The following PTPRG variants were observed in gnomAD, a reference collection of about 807,000 sequenced individuals.
PTPRG encodes the protein receptor-type tyrosine-protein phosphatase gamma.
In PTPRG, 102 loss-of-function variants were observed where a neutral mutation model predicts 165.3. The ratio of observed to expected loss-of-function variants is 0.62; its 90% CI spans 0.53 to 0.73. The LOEUF (loss-of-function observed/expected upper bound fraction) is 0.73. PTPRG is among the 30% of genes least tolerant of loss of function. The pLI is 0.00. For missense variants in PTPRG, 1,866 were observed against 1,861.4 expected (o/e 1.00, Z -0.05); for synonymous variants, 675 against 669.5 (o/e 1.01, Z -0.13).
At chr3:61,976,076 G>C (rs1212368547) in intron 2 of PTPRG, among the ~76,000 whole-genome samples, 1 of 152,106 alleles carries the variant, frequency 6.6e-6, no homozygotes, top group East Asian at 1.9e-4. Context: ...CCTGCAATGT[G>C]CTGGAAAACA....
In PTPRG at chr3:61,910,338, C is replaced by T. The variant is rs77057192; in HGVS notation, c.191-79287C>T. On this transcript the variant is annotated intron_variant, in intron 2 of 29. Coordinates refer to ENST00000474889, the MANE Select transcript of PTPRG (RefSeq NM_002841.4). ...ACTTCCTAGGATGACTCTACTGTTGCTCTGCACCATCTCTGTTTGAACATC... is the reference window on the plus strand; with the variant it reads ...ACTTCCTAGGATGACTCTACTGTTGTTCTGCACCATCTCTGTTTGAACATC... Among the ~76,000 whole-genome samples, 300 of 152,312 alleles carry T rather than the reference C, an allele frequency of 2.0e-3. 1 individual carries two copies. Among genetic ancestry groups the T allele is most frequent in the East Asian group, 6.8e-3 (35 of 5,176 alleles).
chr3:61,808,091 C>G (rs2035470073), intron 2 of PTPRG, among the ~76,000 whole-genome samples: 1 of 152,162 alleles, frequency 6.6e-6, no homozygotes, highest in African/African-American at 2.4e-5. Context: ...GTTATACAAA[C>G]AAAACTCAAT....
chr3:62,009,369 C>T (rs2041366439), intron 4 of PTPRG, among the ~76,000 whole-genome samples: 1 of 152,140 alleles, frequency 6.6e-6, no homozygotes, highest in Admixed American at 6.5e-5. Context: ...GATTGTCCAG[C>T]CAGAAGTTTC....
At chr3:61,882,387 T>C (rs929351329) in intron 2 of PTPRG, among the ~76,000 whole-genome samples, 1 of 152,218 alleles carries the variant, frequency 6.6e-6, no homozygotes, top group Non-Finnish European at 1.5e-5. Flanking sequence ...TATACTGTTC[T>C]GAGATGACAC....
chr3:61,609,987 C>A (rs960359301), intron 1 of PTPRG, among the ~76,000 whole-genome samples: 1 of 150,110 alleles, frequency 6.7e-6, no homozygotes, highest in Non-Finnish European at 1.5e-5. Context: ...TGATTATATA[C>A]AAATTATTTT....
chr3:61,900,702 T>C (rs1455756787), intron 2 of PTPRG, among the ~76,000 whole-genome samples: 1 of 152,088 alleles, frequency 6.6e-6, no homozygotes, highest in Non-Finnish European at 1.5e-5. Context: ...ATGGTTGAGG[T>C]GGTAACAAAT....
chr3:62,125,431 A>G (rs1455360254), intron 5 of PTPRG, among the ~76,000 whole-genome samples: 1 of 152,180 alleles, frequency 6.6e-6, no homozygotes, highest in East Asian at 1.9e-4. Context: ...CAGGGAATGA[A>G]AAAACAAGGG....
chr3:61,625,189 TA>T (rs1701573078), intron 1 of PTPRG, among the ~76,000 whole-genome samples: 1 of 151,836 alleles, frequency 6.6e-6, no homozygotes. Context: ...CATTCGGAGA[TA>T]CTAGATGGGG....
intron 4 of PTPRG, among the ~76,000 whole-genome samples, chr3:62,042,005 T>C (rs1700144483): frequency 6.6e-6 from 1 of 152,168 alleles, no homozygotes; most frequent in South Asian, 2.1e-4. Context: ...ACACCCAGGC[T>C]TTAGTTTACC....
chr3:61,949,285 A>G (rs556473511), intron 2 of PTPRG, among the ~76,000 whole-genome samples: 3 of 152,332 alleles, frequency 2.0e-5, no homozygotes, highest in African/African-American at 7.2e-5. Context: ...AAAATAATGC[A>G]GTTTTTCTTG....
At chr3:62,007,917 G>T (rs1467001932) in intron 4 of PTPRG, among the ~76,000 whole-genome samples, 3 of 152,212 alleles carry the variant, frequency 2.0e-5, no homozygotes, top group African/African-American at 7.2e-5. Flanking sequence ...CCAAATGTCT[G>T]CTGTAAATAC....
intron 1 of PTPRG, among the ~76,000 whole-genome samples, chr3:61,736,896 G>A (rs925495101): frequency 2.6e-5 from 4 of 152,150 alleles, no homozygotes; most frequent in African/African-American, 9.7e-5. Context: ...TCTCAATAAC[G>A]CTGCTTTAAA....
intron 2 of PTPRG, among the ~76,000 whole-genome samples, chr3:61,820,210 CTG>C (rs1229668587): frequency 6.6e-6 from 1 of 152,154 alleles, no homozygotes; most frequent in Admixed American, 6.5e-5. Flanking sequence ...AGTCTGCTGT[CTG>C]TAAGCTAGAG....
intron 7 of PTPRG, among the ~76,000 whole-genome samples, chr3:62,164,277 T>G (rs1269388950): frequency 1.3e-5 from 2 of 152,192 alleles, no homozygotes; most frequent in African/African-American, 2.4e-5. Context: ...GGGGACAGAC[T>G]GAAGTTGCTG....
chr3:62,020,622 T>G (rs2041666761), intron 4 of PTPRG, among the ~76,000 whole-genome samples: 2 of 152,156 alleles, frequency 1.3e-5, no homozygotes, highest in Admixed American at 1.3e-4. Flanking sequence ...TGTCAGTAAG[T>G]AGCTACTTAC....
At chr3:62,067,958 C>G (rs1340691452) in intron 4 of PTPRG, among the ~76,000 whole-genome samples, 1 of 152,082 alleles carries the variant, frequency 6.6e-6, no homozygotes, top group Non-Finnish European at 1.5e-5. Flanking sequence ...TGTACTAGGA[C>G]CCTAGAGAGA....
At chr3:61,842,945 C>T (rs974493215) in intron 2 of PTPRG, among the ~76,000 whole-genome samples, 2 of 152,118 alleles carry the variant, frequency 1.3e-5, no homozygotes, top group African/African-American at 4.8e-5. Context: ...ATTACGGCCA[C>T]CATCATTATT....
chr3:62,081,240 G>T (rs1701562942), intron 5 of PTPRG, among the ~76,000 whole-genome samples: 1 of 143,322 alleles, frequency 7.0e-6, no homozygotes, highest in South Asian at 2.2e-4. Flanking sequence ...CTGGGCGACA[G>T]AGTGAGACTC....
chr3:62,129,189 A>G (rs958230909), intron 5 of PTPRG, among the ~76,000 whole-genome samples: 2 of 152,188 alleles, frequency 1.3e-5, no homozygotes, highest in African/African-American at 2.4e-5. Flanking sequence ...TCTGAGTATC[A>G]GACATGGAGA....
Sources: allele counts gnomAD v4.1 joint callset (sites outside exome capture counted in the v4.1 genomes callset), GRCh38; gene constraint gnomAD v4.1.1; transcripts MANE v1.5; gene names NCBI Gene and HGNC (gene_info 2026-07-23, HGNC 2026-07-21).